The following NLRP11 variants were observed in gnomAD, a reference collection of about 807,000 sequenced individuals.
NLRP11 encodes NACHT, LRR and PYD domains-containing protein 11.
In NLRP11, 53 loss-of-function variants were observed where a neutral mutation model predicts 79.3. That is an observed-to-expected ratio of 0.67 (90% CI 0.54 to 0.84). The LOEUF (loss-of-function observed/expected upper bound fraction) is 0.84. Ranked by LOEUF, NLRP11 falls within the 40% of genes least tolerant of loss-of-function variation. The pLI is 0.00. For synonymous variants in NLRP11, 518 were observed against 462.6 expected, an observed-to-expected ratio of 1.12 and a Z score of -1.54; for missense variants, 1,264 against 1,255.0, an observed-to-expected ratio of 1.01 and a Z score of -0.11.
Position 55,788,979 on chromosome 19 carries a change from T to C in NLRP11, c.2685-2A>G. ...CTGGTTAACATGCACTCTTCTAGCCTGCAACGAAGATGCACAGGTAAGGTG... is the reference window on the plus strand; with the variant it reads ...CTGGTTAACATGCACTCTTCTAGCCCGCAACGAAGATGCACAGGTAAGGTG... On this transcript the variant is annotated splice_acceptor_variant, in intron 8 of 9. Coordinates refer to ENST00000589093, the Ensembl canonical transcript of NLRP11. LOFTEE classifies it high-confidence loss of function. 6.2e-7 allele frequency: 1 copy of C among 1,613,736 alleles called. No homozygotes were observed. Among genetic ancestry groups the C allele is most frequent in the Non-Finnish European group, 8.5e-7 (1 of 1,179,878 alleles).
intron 1 of NLRP11, among the ~76,000 whole-genome samples, chr19:55,830,612 A>AAAAAAAAAG: frequency 6.6e-6 from 1 of 151,990 alleles, no homozygotes; most frequent in African/African-American, 2.4e-5. Context: ...AAAAAAAAAA[A>AAAAAAAAAG]AAATGCAACG....
intron 1 of NLRP11, among the ~76,000 whole-genome samples, chr19:55,828,908 A>G (rs1342397171): frequency 9.2e-6 from 1 of 108,422 alleles, no homozygotes; most frequent in African/African-American, 6.8e-5. Flanking sequence ...AGAGATGAAG[A>G]TAACATAGAG....
intron 6 of NLRP11, among the ~76,000 whole-genome samples, chr19:55,795,761 T>C (rs1306172260): frequency 6.6e-6 from 1 of 152,326 alleles, no homozygotes; most frequent in South Asian, 2.1e-4. Context: ...GTACTGGAAT[T>C]ACAGGCGTGA....
Position 55,809,101 on chromosome 19 carries a change from C to T in NLRP11, c.1509G>A (p.Arg503=), listed in dbSNP as rs771642343. 20 of 1,613,842 alleles carry T rather than the reference C, an allele frequency of 1.2e-5. No homozygotes were observed. In the East Asian group the frequency reaches 3.6e-4, roughly 29 times the overall value. Residue 503 remains arginine, a synonymous_variant, in exon 3 of 10, where the codon AGG becomes AGA. Coordinates refer to ENST00000589093, the Ensembl canonical transcript of NLRP11. The surrounding 1 kb of genome is among the most constrained non-coding windows in gnomAD (Gnocchi z 4.5). ...CAAAGGATGTCTCAAGAATCTTTCT[C>T]CTGTTTGCATTTAGAAGACCAAAAA... is the stretch of plus-strand genomic sequence containing the variant.
intron 2 of NLRP11, among the ~76,000 whole-genome samples, chr19:55,814,459 C>T (rs1310341435): frequency 6.6e-6 from 1 of 152,028 alleles, no homozygotes; most frequent in Admixed American, 6.5e-5. Context: ...AAACTGGTGC[C>T]AAAAAGGTGC....
chr19:55,787,583 C>A (rs1381052168), intron 9 of NLRP11, among the ~76,000 whole-genome samples: 2 of 152,178 alleles, frequency 1.3e-5, no homozygotes, highest in Non-Finnish European at 2.9e-5. Flanking sequence ...GTGATCCACC[C>A]GCCTTAGCCT....
intron 7 of NLRP11, among the ~76,000 whole-genome samples, chr19:55,791,763 C>G (rs1990247075): frequency 6.6e-6 from 1 of 152,116 alleles, no homozygotes; most frequent in African/African-American, 2.4e-5. Flanking sequence ...ACTCAAAAAA[C>G]TGTAGTGGCT....
chr19:55,812,027 AT>A (rs141982698), intron 2 of NLRP11, among the ~76,000 whole-genome samples: 7,352 of 152,010 alleles, frequency 0.048, 190 homozygotes, highest in African/African-American at 0.072. Context: ...GAGATAATAG[AT>A]TTGTTAGCTT....
chr19:55,790,599 C>G (rs1223441566), intron 7 of NLRP11, among the ~76,000 whole-genome samples: 1 of 152,102 alleles, frequency 6.6e-6, no homozygotes, highest in Non-Finnish European at 1.5e-5. Flanking sequence ...AACATATATT[C>G]TTTGTTATAG....
intron 5 of NLRP11, chr19:55,798,285 G>A (rs1301787073): frequency 1.4e-5 from 14 of 980,552 alleles, no homozygotes; most frequent in African/African-American, 1.2e-4. Flanking sequence ...GGCGTGAGCC[G>A]TCGCGTTGGC....
intron 1 of NLRP11, among the ~76,000 whole-genome samples, chr19:55,829,849 C>T (rs1982579219): frequency 6.6e-6 from 1 of 152,052 alleles, no homozygotes. Flanking sequence ...CAGTCAAAAA[C>T]CCACGTATAA....
intron 6 of NLRP11, among the ~76,000 whole-genome samples, chr19:55,793,666 C>A (rs1978515724): frequency 6.7e-6 from 1 of 149,370 alleles, no homozygotes; most frequent in Non-Finnish European, 1.5e-5. Flanking sequence ...AGACCAGAGG[C>A]TGGCAGCACA....
rs1221230683 is a variant in NLRP11 at position 55,796,061 on chromosome 19, C to T, written c.2342+19G>A. The T allele has an allele frequency of 1.9e-6, 3 of 1,597,006 alleles. No individual in the cohort carries two copies. The highest frequency in any genetic ancestry group is 2.6e-6 in the Non-Finnish European group (3 of 1,166,084). ...TCAGTCTGAGCTTCTACGTGGTGAG[C>T]TCGTCTAAGCCAACTTACACCAGTG... is the stretch of plus-strand genomic sequence containing the variant. On this transcript the variant is annotated intron_variant, in intron 6 of 9. Transcript: ENST00000589093.
chr19:55,796,232 C>A, exon 6 of NLRP11: 1 of 1,612,226 alleles, frequency 6.2e-7, no homozygotes, highest in Non-Finnish European at 8.5e-7. Flanking sequence ...CGCTGGCTCG[C>A]AAATCACATT....
chr19:55,831,515 T>C lies in NLRP11; in HGVS notation c.-63+448A>G, dbSNP rs888658845. On this transcript the variant is annotated intron_variant, in intron 1 of 9. Coordinates refer to ENST00000589093, the Ensembl canonical transcript of NLRP11. ...AGACAGAGGTTGCAGTGCGCTGAGA[T>C]CACACCACTGCACGCCAGCCTTGGC... Among the ~76,000 whole-genome samples the C allele has an allele frequency of 2.0e-5, 3 of 151,978 alleles. No homozygotes were observed. The East Asian group carries it at 5.8e-4, about 29-fold the overall frequency.
chr19:55,788,575 C>A (rs576435327), intron 9 of NLRP11, among the ~76,000 whole-genome samples: 71 of 151,424 alleles, frequency 4.7e-4, no homozygotes, highest in African/African-American at 1.7e-3. Flanking sequence ...CCCGTCTCTA[C>A]TAAAAATAGA....
At chr19:55,822,780 T>C (rs1384840974) in intron 1 of NLRP11, among the ~76,000 whole-genome samples, 1 of 152,088 alleles carries the variant, frequency 6.6e-6, no homozygotes, top group South Asian at 2.1e-4. Flanking sequence ...GGAGTCTCGC[T>C]GATTGCTAGC....
At chr19:55,793,265 AGGG>A (rs1164526830) in intron 6 of NLRP11, among the ~76,000 whole-genome samples, 4 of 152,164 alleles carry the variant, frequency 2.6e-5, no homozygotes, top group African/African-American at 9.6e-5. Flanking sequence ...TAAACAGGGA[AGGG>A]GTTAAAAAGT....
upstream of NLRP11, among the ~76,000 whole-genome samples, chr19:55,832,467 G>A (rs1044811116): frequency 2.0e-5 from 3 of 152,198 alleles, no homozygotes; most frequent in Non-Finnish European, 4.4e-5. Context: ...TAGAATTTGC[G>A]GAGGCACGTC....
Sources: gnomAD v4.1 joint callset for allele counts (sites outside exome capture counted in the v4.1 genomes callset) on GRCh38, gnomAD v4.1.1 for gene constraint, Gnocchi (gnomAD v3.1) non-coding constraint, MANE v1.5 for transcripts, NCBI Gene and HGNC (gene_info 2026-07-23, HGNC 2026-07-21) for gene names.